Variants in SLCO6A1 observed in about 807,000 individuals in gnomAD.
SLCO6A1 encodes solute carrier organic anion transporter family member 6A1.
Under a neutral mutation model 72.7 loss-of-function variants are expected in SLCO6A1, and 65 were observed. The ratio of observed to expected loss-of-function variants is 0.89; its 90% CI spans 0.73 to 1.10. The LOEUF is 1.10. SLCO6A1 is among the 50% of genes least tolerant of loss of function. The pLI, the probability that SLCO6A1 is intolerant of heterozygous loss-of-function variation, is 0.00. For synonymous variants in SLCO6A1, 314 were observed against 298.2 expected (o/e 1.05, Z -0.55); for missense variants, 874 against 872.6 (o/e 1.00, Z -0.02).
chr5:102,480,516 T>A, intron 1 of SLCO6A1, 82 bp from the exon 2 acceptor site: 1 of 1,289,056 alleles, frequency 7.8e-7, no homozygotes, highest in Non-Finnish European at 1.1e-6. Flanking sequence ...AAATTTAAAT[T>A]ACATGATGTA....
intron 10 of SLCO6A1, among the ~76,000 whole-genome samples, chr5:102,399,104 GAAT>G (rs899630895): frequency 2.7e-5 from 4 of 149,414 alleles, no homozygotes; most frequent in African/African-American, 9.7e-5. Context: ...GTTTTGTTTA[GAAT>G]AATAATAAAA....
At chr5:102,472,937 A>G (rs1458859210) in intron 4 of SLCO6A1, among the ~76,000 whole-genome samples, 1 of 152,054 alleles carries the variant, frequency 6.6e-6, no homozygotes, top group Non-Finnish European at 1.5e-5. Flanking sequence ...ATGAAGAAAC[A>G]AAGTATCTGA....
At chr5:102,374,147 C>T (rs1745648256) in intron 12 of SLCO6A1, among the ~76,000 whole-genome samples, 1 of 151,880 alleles carries the variant, frequency 6.6e-6, no homozygotes, top group African/African-American at 2.4e-5. Flanking sequence ...AAGCGATCCT[C>T]CCACTTCAGC....
chr5:102,432,130 C>T (rs1351815133), intron 7 of SLCO6A1, among the ~76,000 whole-genome samples: 3 of 152,124 alleles, frequency 2.0e-5, no homozygotes, highest in Non-Finnish European at 4.4e-5. Flanking sequence ...CTATTGGTGT[C>T]ATTGTATGTG....
intron 1 of SLCO6A1, among the ~76,000 whole-genome samples, chr5:102,489,924 TA>T (rs1421687681): frequency 2.0e-5 from 3 of 152,142 alleles, no homozygotes; most frequent in Non-Finnish European, 4.4e-5. Flanking sequence ...TAAAAAAGAA[TA>T]AAATCCTGTT....
rs146750574 is a variant in SLCO6A1 at position 102,380,138 on chromosome 5, T to A, written c.2018-6644A>T. ...CCCTGATATGGGTGCTAATTACAGG[T>A]GTGTTCAATTTATAAAAAAAGTGTT... On this transcript the variant is annotated intron_variant, in intron 12 of 13. Coordinates refer to ENST00000506729, the MANE Select transcript of SLCO6A1 (RefSeq NM_173488.5). Among the ~76,000 whole-genome samples the A allele has an allele frequency of 2.4e-4, 37 of 152,094 alleles. No individual in the cohort carries two copies. In the East Asian group the frequency reaches 7.1e-3, roughly 29 times the overall value.
At chr5:102,403,900 T>C (rs949609743) in intron 9 of SLCO6A1, among the ~76,000 whole-genome samples, 3 of 152,118 alleles carry the variant, frequency 2.0e-5, no homozygotes, top group Non-Finnish European at 2.9e-5. Flanking sequence ...TTATATTATA[T>C]ATATACTTTT....
At chr5:102,457,421 C>G (rs1204413280) in intron 6 of SLCO6A1, among the ~76,000 whole-genome samples, 2 of 151,818 alleles carry the variant, frequency 1.3e-5, no homozygotes, top group East Asian at 1.9e-4. Flanking sequence ...AAAAAACAAC[C>G]CCATCAAAAA....
At position 102,397,945 on chromosome 5, in the gene SLCO6A1, G is replaced by T. The variant is rs532510267; in HGVS notation, c.1814+1610C>A. ...AGTGAGATTCAGAACTAAACTTCTAGAATATTACTATTATCTCTTTCATCT... is the reference window on the plus strand; with the variant it reads ...AGTGAGATTCAGAACTAAACTTCTATAATATTACTATTATCTCTTTCATCT... On this transcript the variant is annotated intron_variant, in intron 10 of 13. Coordinates refer to ENST00000506729, the MANE Select transcript of SLCO6A1 (RefSeq NM_173488.5). Among the ~76,000 whole-genome samples the T allele has an allele frequency of 2.0e-5, 3 of 152,212 alleles. No homozygotes were observed. The South Asian group carries it at 6.2e-4, about 32-fold the overall frequency.
At chr5:102,399,460 C>G in intron 10 of SLCO6A1, 95 bp downstream of exon 10, 1 of 816,146 alleles carries the variant, frequency 1.2e-6, no homozygotes, top group Non-Finnish European at 1.7e-6. Context: ...CCATGAAACA[C>G]AGAGTAAATT....
At chr5:102,465,695 A>G (rs1166491447) in intron 4 of SLCO6A1, among the ~76,000 whole-genome samples, 1 of 152,144 alleles carries the variant, frequency 6.6e-6, no homozygotes. Context: ...GTCTGAGTTT[A>G]CCATCACATC....
intron 8 of SLCO6A1, among the ~76,000 whole-genome samples, chr5:102,414,945 T>A (rs925697476): frequency 1.3e-5 from 2 of 149,412 alleles, no homozygotes; most frequent in African/African-American, 4.9e-5. Flanking sequence ...ATAAATTAAT[T>A]AATAAGGCAA....
intron 1 of SLCO6A1, among the ~76,000 whole-genome samples, chr5:102,487,111 T>G (rs966994365): frequency 1.3e-5 from 2 of 152,168 alleles, no homozygotes; most frequent in African/African-American, 4.8e-5. Context: ...TGAGCAAAAT[T>G]AAACTAGAAC....
intron 1 of SLCO6A1, among the ~76,000 whole-genome samples, chr5:102,484,640 G>T (rs1752360426): frequency 6.6e-6 from 1 of 151,122 alleles, no homozygotes; most frequent in Non-Finnish European, 1.5e-5. Context: ...GACAGAGGGA[G>T]ACTCTGTCAA....
chr5:102,413,276 C>T (rs1426589971), intron 8 of SLCO6A1, 133 bp from the exon 9 acceptor site: 6 of 823,706 alleles, frequency 7.3e-6, no homozygotes, highest in Non-Finnish European at 1.1e-5. Flanking sequence ...TTACTGAGGT[C>T]TGAGGTACAA....
At position 102,483,547 on chromosome 5, in the gene SLCO6A1, T is replaced by C. The variant is rs192608263; in HGVS notation, c.359-3113A>G. On this transcript the variant is annotated intron_variant, in intron 1 of 13. Transcript: ENST00000506729. ...GAACTACTACTGAAGTGGCAAGCAA[T>C]TTTTGGTATATAGAATATTTTCTCA... is the stretch of plus-strand genomic sequence containing the variant. 1.1e-4 allele frequency among the ~76,000 whole-genome samples: 16 copies of C among 152,240 alleles called. No individual in the cohort carries two copies. In the East Asian group the frequency reaches 3.1e-3, roughly 29 times the overall value.
At chr5:102,458,035 G>T (rs1750825420) in intron 6 of SLCO6A1, among the ~76,000 whole-genome samples, 1 of 152,052 alleles carries the variant, frequency 6.6e-6, no homozygotes, top group South Asian at 2.1e-4. Flanking sequence ...CTCACTCATA[G>T]GTGGGAATTG....
chr5:102,486,054 T>G (rs1211134481), intron 1 of SLCO6A1, among the ~76,000 whole-genome samples: 7 of 152,210 alleles, frequency 4.6e-5, no homozygotes, highest in Non-Finnish European at 7.4e-5. Context: ...TGAAAAATAT[T>G]TTACAAGACA....
At chr5:102,438,140 A>T (rs1458574077) in intron 7 of SLCO6A1, among the ~76,000 whole-genome samples, 1 of 152,118 alleles carries the variant, frequency 6.6e-6, no homozygotes, top group Non-Finnish European at 1.5e-5. Context: ...GATAATACAT[A>T]AACAATAGTA....
Sources: gnomAD v4.1 joint callset for allele counts (sites outside exome capture counted in the v4.1 genomes callset) on GRCh38, gnomAD v4.1.1 for gene constraint, MANE v1.5 for transcripts, NCBI Gene and HGNC (gene_info 2026-07-23, HGNC 2026-07-21) for gene names.